The following MYO16 variants were observed in gnomAD, a reference collection of about 807,000 sequenced individuals.
MYO16 encodes the protein myosin XVI.
MYO16 carries 94 observed loss-of-function variants against 205.3 expected under a neutral mutation model. The observed-to-expected ratio is 0.46, with a 90% confidence interval of 0.39 to 0.54. The LOEUF (loss-of-function observed/expected upper bound fraction) is 0.54. Among genes scored for constraint, MYO16 ranks in the 20% least tolerant of loss-of-function variants. MYO16 has a pLI of 0.00. For synonymous variants in MYO16, 988 were observed against 954.0 expected, an observed-to-expected ratio of 1.04 and a Z score of -0.66; for missense variants, 2,315 against 2,387.5, an observed-to-expected ratio of 0.97 and a Z score of 0.63.
At chr13:109,165,593 C>A (rs763759264) in intron 33 of MYO16, among the ~76,000 whole-genome samples, 1 of 152,152 alleles carries the variant, frequency 6.6e-6, no homozygotes, top group Non-Finnish European at 1.5e-5. Flanking sequence ...ACCAACTATT[C>A]CTGAGGGCCT....
At chr13:108,668,507 G>A (rs1881839914) in intron 2 of MYO16, among the ~76,000 whole-genome samples, 2 of 152,182 alleles carry the variant, frequency 1.3e-5, no homozygotes, top group South Asian at 2.1e-4. Context: ...CTGAGGTGAG[G>A]TATGGGCTTC....
chr13:108,795,832 G>GA (rs1886773304), intron 6 of MYO16, among the ~76,000 whole-genome samples: 1 of 152,104 alleles, frequency 6.6e-6, no homozygotes, highest in Non-Finnish European at 1.5e-5. Context: ...AAATGCAAGG[G>GA]AAAAAACAAC....
intron 4 of MYO16, among the ~76,000 whole-genome samples, chr13:108,754,937 C>T (rs920603106): frequency 5.3e-5 from 8 of 151,704 alleles, no homozygotes; most frequent in African/African-American, 1.2e-4. Context: ...ACTGTAAATA[C>T]GTAATAAGTA....
chr13:108,862,290 G>A (rs1342922658), intron 11 of MYO16, among the ~76,000 whole-genome samples: 1 of 152,174 alleles, frequency 6.6e-6, no homozygotes, highest in African/African-American at 2.4e-5. Flanking sequence ...GTTGTATGCA[G>A]AAGAGTTGCA....
upstream of MYO16, among the ~76,000 whole-genome samples, chr13:108,627,005 G>A (rs116768927): frequency 0.043 from 6,328 of 146,400 alleles, 322 homozygotes; most frequent in East Asian, 0.21. Flanking sequence ...AAGGAGTCCT[G>A]AAATTATTGT....
chr13:108,713,218 C>T (rs1409940431), intron 3 of MYO16, among the ~76,000 whole-genome samples: 7 of 151,978 alleles, frequency 4.6e-5, no homozygotes, highest in African/African-American at 7.3e-5. Context: ...ATATTAGATT[C>T]GTGTGCAAGA....
At chr13:109,072,092 G>C (rs1368860299) in intron 27 of MYO16, among the ~76,000 whole-genome samples, 1 of 152,156 alleles carries the variant, frequency 6.6e-6, no homozygotes, top group African/African-American at 2.4e-5. Flanking sequence ...TACAGACCTT[G>C]ATTGAAGGTT....
chr13:108,602,162 C>T (rs2139301438), intron 1 of MYO16, among the ~76,000 whole-genome samples: 1 of 150,818 alleles, frequency 6.6e-6, no homozygotes, highest in Admixed American at 6.6e-5. Flanking sequence ...CCAGGTCTGC[C>T]AGTGCCTTGA....
At chr13:109,160,170 T>C (rs1283462093) in intron 32 of MYO16, among the ~76,000 whole-genome samples, 2 of 152,180 alleles carry the variant, frequency 1.3e-5, no homozygotes, top group Non-Finnish European at 2.9e-5. Flanking sequence ...TCTCCAGACA[T>C]TGCTGAATGT....
At chr13:109,019,979 G>T (rs922940511) in intron 23 of MYO16, 68 bp downstream of exon 23, 3 of 1,461,590 alleles carry the variant, frequency 2.1e-6, no homozygotes, top group Non-Finnish European at 2.8e-6. Context: ...ACAAGCTCTA[G>T]AGTTATTGAT....
the MYO16 span, among the ~76,000 whole-genome samples, chr13:108,529,784 A>G: frequency 6.6e-6 from 1 of 152,200 alleles, no homozygotes; most frequent in East Asian, 1.9e-4. Context: ...CCTTGGGAAT[A>G]CTGAACACCT....
At chr13:108,877,831 G>A (rs1879398145) in intron 12 of MYO16, among the ~76,000 whole-genome samples, 1 of 152,118 alleles carries the variant, frequency 6.6e-6, no homozygotes, top group South Asian at 2.1e-4. Flanking sequence ...TAAATTTAAT[G>A]TAGTAAGATC....
At chr13:108,680,564 A>T (rs1046986681) in intron 2 of MYO16, among the ~76,000 whole-genome samples, 3 of 152,248 alleles carry the variant, frequency 2.0e-5, no homozygotes, top group African/African-American at 7.2e-5. Flanking sequence ...AAGCAAAATT[A>T]GCTCTATGAG....
chr13:109,107,935 G>A (rs565776572), intron 28 of MYO16, among the ~76,000 whole-genome samples: 3 of 150,986 alleles, frequency 2.0e-5, no homozygotes, highest in African/African-American at 7.3e-5. Context: ...ACACATTTTT[G>A]TTATAAAAGT....
Position 108,666,075 on chromosome 13 carries a change from C to G in MYO16, c.218C>G (p.Ala73Gly). 1 of 1,613,984 alleles carries G rather than the reference C, an allele frequency of 6.2e-7. No individual in the cohort carries two copies. The highest frequency in any genetic ancestry group is 8.5e-7 in the Non-Finnish European group (1 of 1,179,958). ...GGGTTCCTGAAAAGGCTGAAGCATG[C>G]GAAGAATCCGAAAGTTCACTTCAAC... ...QEGFLKRLKHAKNPKVHFNLT... is the reference protein window; with the variant it reads ...QEGFLKRLKHGKNPKVHFNLT... The change falls in exon 2 of 35, where the codon GCG (alanine) becomes GGG (glycine). Residue 73 changes from alanine to glycine, a missense_variant. This residue lies in a region of MYO16 where 1,213 missense variants were observed against 1,274.4 expected (regional missense o/e 0.95). Coordinates refer to ENST00000457511, the MANE Select transcript of MYO16 (RefSeq NM_001198950.3).
At chr13:108,748,616 A>C (rs1885135359) in intron 4 of MYO16, among the ~76,000 whole-genome samples, 1 of 152,178 alleles carries the variant, frequency 6.6e-6, no homozygotes, top group Non-Finnish European at 1.5e-5. Flanking sequence ...TTTTCCTGAA[A>C]GAATAGAAGG....
At chr13:109,091,053 G>GA (rs1218546357) in intron 27 of MYO16, among the ~76,000 whole-genome samples, 1 of 152,192 alleles carries the variant, frequency 6.6e-6, no homozygotes, top group African/African-American at 2.4e-5. Context: ...CAAATAGCTT[G>GA]AAAATCACCC....
At chr13:108,676,405 G>A (rs1882212697) in intron 2 of MYO16, among the ~76,000 whole-genome samples, 1 of 149,456 alleles carries the variant, frequency 6.7e-6, no homozygotes, top group South Asian at 2.1e-4. Flanking sequence ...GTGTGTGTGT[G>A]TGCCAGCCAT....
At chr13:108,888,335 C>A in intron 13 of MYO16, 37 bp from the exon 14 acceptor site, 1 of 1,431,056 alleles carries the variant, frequency 7.0e-7, no homozygotes, top group South Asian at 1.3e-5. Context: ...AAGCAAAGTT[C>A]CTTCAAACTT....
Sources: allele counts gnomAD v4.1 joint callset (sites outside exome capture counted in the v4.1 genomes callset), GRCh38; gene constraint gnomAD v4.1.1; regional missense constraint gnomAD v4.1.1; transcripts MANE v1.5; gene names NCBI Gene and HGNC (gene_info 2026-07-23, HGNC 2026-07-21).